Variants in NTN1 observed in about 807,000 individuals in gnomAD.
The protein encoded by NTN1 is netrin 1, also known as netrin-1.
A neutral mutation model predicts 54.2 loss-of-function variants in NTN1; 11 were observed. The ratio of observed to expected loss-of-function variants is 0.20; its 90% CI spans 0.13 to 0.34. The LOEUF is 0.34. Among genes scored for constraint, NTN1 ranks in the 10% least tolerant of loss-of-function variants. The pLI is 1.00. For synonymous variants in NTN1, 371 were observed against 382.0 expected, an observed-to-expected ratio of 0.97 and a Z score of 0.33; for missense variants, 740 against 893.1, an observed-to-expected ratio of 0.83 and a Z score of 2.18.
intron 2 of NTN1, among the ~76,000 whole-genome samples, chr17:9,032,600 C>T (rs1365651669): frequency 6.6e-6 from 1 of 152,096 alleles, no homozygotes; most frequent in Non-Finnish European, 1.5e-5. Flanking sequence ...CAGAAAGTGC[C>T]GAACAAGAAT....
intron 5 of NTN1, among the ~76,000 whole-genome samples, chr17:9,196,178 G>A (rs1190469421): frequency 6.6e-6 from 1 of 152,152 alleles, no homozygotes; most frequent in Admixed American, 6.5e-5. Context: ...CGTGTTCTGG[G>A]GCACAGCACC....
intron 4 of NTN1, among the ~76,000 whole-genome samples, chr17:9,181,336 G>T (rs2092418548): frequency 6.6e-6 from 1 of 152,190 alleles, no homozygotes; most frequent in Non-Finnish European, 1.5e-5. Context: ...TGGGCCCTGT[G>T]TGTGCATCCC....
chr17:9,214,248 T>C (rs1005990189), intron 5 of NTN1, among the ~76,000 whole-genome samples: 1 of 152,214 alleles, frequency 6.6e-6, no homozygotes, highest in African/African-American at 2.4e-5. Context: ...ATGTGGCTTG[T>C]ATAGTTTGCG....
rs949703565 is a variant in NTN1 at position 9,240,489 on chromosome 17, C to T, written c.*521C>T. On this transcript the variant is annotated 3_prime_UTR_variant, in exon 7 of 7. Transcript: ENST00000173229. ...GACACGCAGCCGACGGGATCCCCCC[C>T]TTTCTCCCCGGCCCCTTCTAGCAGT... The T allele has an allele frequency of 6.6e-6, 1 of 152,374 alleles. No individual in the cohort carries two copies. The highest frequency in any genetic ancestry group is 2.4e-5 in the African/African-American group (1 of 41,474). 9.4% of individuals were successfully genotyped at this position (152,374 alleles called of 1,614,324 possible).
At chr17:9,019,327 C>G (rs1162632914), upstream of NTN1, among the ~76,000 whole-genome samples, 1 of 152,140 alleles carries the variant, frequency 6.6e-6, no homozygotes, top group East Asian at 1.9e-4. Context: ...ATTAAAATGA[C>G]ATTATACTGT....
At chr17:9,185,382 G>C (rs1172654527) in intron 5 of NTN1, among the ~76,000 whole-genome samples, 1 of 152,202 alleles carries the variant, frequency 6.6e-6, no homozygotes, top group East Asian at 1.9e-4. Context: ...TCTGTGCCAG[G>C]CTGCCTGAGA....
chr17:9,081,900 A>G (rs1028426372), intron 2 of NTN1, among the ~76,000 whole-genome samples: 1 of 152,198 alleles, frequency 6.6e-6, no homozygotes, highest in East Asian at 1.9e-4. Context: ...CCATTTGCCA[A>G]CTTGCTGCAG....
At chr17:9,096,851 C>A (rs1019237356) in intron 2 of NTN1, among the ~76,000 whole-genome samples, 2 of 152,134 alleles carry the variant, frequency 1.3e-5, no homozygotes, top group Non-Finnish European at 2.9e-5. Flanking sequence ...TTTCACATTT[C>A]TCTGCTTAAG....
intron 2 of NTN1, among the ~76,000 whole-genome samples, chr17:9,156,844 C>CT (rs2092343858): frequency 6.6e-6 from 1 of 152,146 alleles, no homozygotes; most frequent in South Asian, 2.1e-4. Flanking sequence ...CCCTACCTGT[C>CT]TAACTATCTA....
Position 9,162,905 on chromosome 17 carries a change from T to A in NTN1, c.1111T>A (p.Cys371Ser). The stretch of plus-strand genomic sequence containing the variant: ...CAAGAGCGGAGGTGTCTGCCTCAAC[T>A]GTCGCCACAACACCGCCGGCCGCCA... ...GRKSGGVCLN[C>S]RHNTAGRHCH... The change falls in exon 3 of 7, where the codon TGT becomes AGT. Residue 371 changes from cysteine to serine, a missense_variant. Transcript: ENST00000173229. 6.2e-7 allele frequency: 1 copy of A among 1,613,766 alleles called. No individual in the cohort carries two copies. Among genetic ancestry groups the A allele is most frequent in the Non-Finnish European group, 8.5e-7 (1 of 1,179,898 alleles).
rs76944382 is a variant in NTN1 at position 9,162,300 on chromosome 17, C to T, written c.1019-513C>T. 7.9e-3 allele frequency among the ~76,000 whole-genome samples: 1,198 copies of T among 152,286 alleles called. 17 individuals carry two copies. Among genetic ancestry groups the T allele is most frequent in the African/African-American group, 0.027 (1,135 of 41,558 alleles). ...ACGGGCTGGGGGCTGAAACGCTAGA[C>T]GTTTACTTCTCACAGTTCTGCAGCC... is the stretch of plus-strand genomic sequence containing the variant. On this transcript the variant is annotated intron_variant, in intron 2 of 6. Coordinates refer to ENST00000173229, the MANE Select transcript of NTN1 (RefSeq NM_004822.3).
At chr17:9,121,219 T>C (rs1252058383) in intron 2 of NTN1, among the ~76,000 whole-genome samples, 1 of 152,006 alleles carries the variant, frequency 6.6e-6, no homozygotes, top group African/African-American at 2.4e-5. Flanking sequence ...AAAGGATAGT[T>C]TTCTCCTTCT....
intron 2 of NTN1, among the ~76,000 whole-genome samples, chr17:9,111,707 T>C (rs2092191658): frequency 6.6e-6 from 1 of 152,238 alleles, no homozygotes; most frequent in Non-Finnish European, 1.5e-5. Flanking sequence ...ATATGTATTA[T>C]ATACTGTATT....
In NTN1 at chr17:9,023,274, A is replaced by T; in HGVS notation, c.901A>T (p.Ser301Cys). ...AARCVRDRDD[S>C]LVCDCRHNTA... ...CCGCTGCGTGCGCGACCGCGACGAC[A>T]GCCTGGTGTGCGACTGCAGGCACAA... The change falls in exon 2 of 7, where the codon AGC (serine) becomes TGC (cysteine). Residue 301 changes from serine (S) to cysteine (C), a missense_variant. Transcript: ENST00000173229. 1 of 1,559,316 alleles carries T rather than the reference A, an allele frequency of 6.4e-7. No individual in the cohort carries two copies. Among genetic ancestry groups the T allele is most frequent in the South Asian group, 1.2e-5 (1 of 85,960 alleles).
intron 2 of NTN1, among the ~76,000 whole-genome samples, chr17:9,058,602 G>T (rs2091986279): frequency 7.4e-6 from 1 of 134,668 alleles, no homozygotes; most frequent in Non-Finnish European, 1.5e-5. Flanking sequence ...CAAGGCTTAG[G>T]GTCCATGTAA....
intron 2 of NTN1, among the ~76,000 whole-genome samples, chr17:9,088,957 A>G (rs1426422492): frequency 6.6e-6 from 1 of 152,142 alleles, no homozygotes; most frequent in Non-Finnish European, 1.5e-5. Context: ...TTTACTGATT[A>G]ATTTCTCCTC....
At chr17:9,115,311 A>G (rs1372575678) in intron 2 of NTN1, among the ~76,000 whole-genome samples, 1 of 152,238 alleles carries the variant, frequency 6.6e-6, no homozygotes, top group Admixed American at 6.5e-5. Flanking sequence ...GTGAGCAAAT[A>G]GGCAATGGAG....
intron 2 of NTN1, among the ~76,000 whole-genome samples, chr17:9,118,724 TAGAA>T (rs1297904774): frequency 6.6e-6 from 1 of 151,880 alleles, no homozygotes; most frequent in Non-Finnish European, 1.5e-5. Flanking sequence ...AGGCATTTCA[TAGAA>T]ATGAAATCAT....
In NTN1 at chr17:9,223,358, C is replaced by G. The variant is rs183130030; in HGVS notation, c.1486+2116C>G. On this transcript the variant is annotated intron_variant, in intron 6 of 6. Transcript: ENST00000173229. ...CCTGAGGGTGAATATTTGAGACCAG[C>G]CTGGCCAACATGATGAAACCTGGTC... Among the ~76,000 whole-genome samples the G allele has an allele frequency of 5.5e-3, 839 of 152,190 alleles. 11 individuals are homozygous for G. Among genetic ancestry groups the G allele is most frequent in the African/African-American group, 0.019 (786 of 41,522 alleles).
Sources: gnomAD v4.1 joint callset for allele counts (sites outside exome capture counted in the v4.1 genomes callset) on GRCh38, gnomAD v4.1.1 for gene constraint, MANE v1.5 for transcripts, NCBI Gene and HGNC (gene_info 2026-07-23, HGNC 2026-07-21) for gene names.